GAB2: variants seen among roughly 807,000 people sequenced by gnomAD.
The protein encoded by GAB2 is GRB2-associated-binding protein 2.
A neutral mutation model predicts 65.5 loss-of-function variants in GAB2; 26 were observed. That is an observed-to-expected ratio of 0.40 (90% confidence interval 0.29 to 0.55). The LOEUF (loss-of-function observed/expected upper bound fraction) is 0.55, where lower values mean the gene tolerates loss of function less well. Among genes scored for constraint, GAB2 ranks in the 20% least tolerant of loss-of-function variants. The probability of loss-of-function intolerance (pLI) is 0.53; values close to 1 mark genes in which losing one functional copy is unlikely to be tolerated. For synonymous variants in GAB2, 321 were observed against 329.6 expected (o/e 0.97, Z 0.28); for missense variants, 884 against 875.8 (o/e 1.01, Z -0.12).
chr11:78,227,278 C>A (rs532953934), intron 3 of GAB2, among the ~76,000 whole-genome samples: 1 of 152,126 alleles, frequency 6.6e-6, no homozygotes, highest in Non-Finnish European at 1.5e-5. Context: ...GGTTATAACC[C>A]CCACTCCCTG....
intron 1 of GAB2, among the ~76,000 whole-genome samples, chr11:78,283,833 A>C (rs1590997850): frequency 6.8e-6 from 1 of 147,684 alleles, no homozygotes; most frequent in Non-Finnish European, 1.5e-5. Context: ...GCTCCTCTTC[A>C]CCTCCCTGAC....
At chr11:78,261,082 T>TGTGC (rs1187073411) in intron 2 of GAB2, among the ~76,000 whole-genome samples, 2 of 151,804 alleles carry the variant, frequency 1.3e-5, no homozygotes, top group African/African-American at 4.9e-5. Context: ...TATATATGTG[T>TGTGC]GTGTGTATAT....
intron 4 of GAB2, 43 bp downstream of exon 4, chr11:78,226,422 T>A: frequency 6.8e-7 from 1 of 1,478,332 alleles, no homozygotes; most frequent in African/African-American, 1.4e-5. Flanking sequence ...ACCCCTGTGT[T>A]ACCTCCTCCT....
chr11:78,396,390 T>C (rs1856895030), intron 1 of GAB2, among the ~76,000 whole-genome samples: 1 of 152,250 alleles, frequency 6.6e-6, no homozygotes, highest in Non-Finnish European at 1.5e-5. Context: ...AAATTTGTTT[T>C]CATATATAAT....
At chr11:78,355,030 C>T (rs1047044132) in intron 1 of GAB2, among the ~76,000 whole-genome samples, 3 of 152,208 alleles carry the variant, frequency 2.0e-5, no homozygotes, top group Non-Finnish European at 4.4e-5. Context: ...CAAAGGCAAA[C>T]CACCTTTATG....
chr11:78,327,279 T>C (rs1490824669), intron 1 of GAB2, among the ~76,000 whole-genome samples: 1 of 152,276 alleles, frequency 6.6e-6, no homozygotes, highest in East Asian at 1.9e-4. Context: ...TGCATTTTAA[T>C]ATGAAATGGG....
At chr11:78,352,640 G>A (rs1188676660) in intron 1 of GAB2, among the ~76,000 whole-genome samples, 3 of 152,090 alleles carry the variant, frequency 2.0e-5, no homozygotes, top group Non-Finnish European at 4.4e-5. Flanking sequence ...TGCCCCAGGG[G>A]CTGAATCAAA....
intron 1 of GAB2, among the ~76,000 whole-genome samples, chr11:78,321,755 A>G (rs1388543414): frequency 6.6e-6 from 1 of 152,190 alleles, no homozygotes; most frequent in Admixed American, 6.5e-5. Context: ...CTAAAAGGCT[A>G]TTGTAACCAA....
At chr11:78,370,770 C>G (rs959411208) in intron 1 of GAB2, among the ~76,000 whole-genome samples, 3 of 148,158 alleles carry the variant, frequency 2.0e-5, no homozygotes, top group Non-Finnish European at 4.5e-5. Context: ...AGGAGAAAGG[C>G]AGGCAGACAC....
At chr11:78,370,887 C>T (rs1330830825) in intron 1 of GAB2, among the ~76,000 whole-genome samples, 2 of 152,180 alleles carry the variant, frequency 1.3e-5, no homozygotes, top group African/African-American at 2.4e-5. Context: ...TACCCAGCCA[C>T]TCTGGACAGT....
At position 78,216,307 on chromosome 11, in the gene GAB2, A is replaced by C. The variant is rs1864145245; in HGVS notation, c.*2965T>G. The C allele has an allele frequency of 6.6e-6, 1 of 152,156 alleles. No individual in the cohort carries two copies. The highest frequency in any genetic ancestry group is 6.6e-5 in the Admixed American group (1 of 15,266). The allele number at this position is 152,156 out of a possible 1,614,324, so 9.4% of individuals were successfully genotyped here. On this transcript the variant is annotated 3_prime_UTR_variant, in exon 10 of 10. Coordinates refer to ENST00000361507, the MANE Select transcript of GAB2 (RefSeq NM_080491.3). ...AGGGGGCCTGTGTGAAGCAGTGCTG[A>C]GTGGGAAGGTATCCCCTTTCCGTAG...
rs766977456 is a variant in GAB2, at chr11:78,226,808, A to T, written c.864T>A (p.Asp288Glu). 2.5e-6 allele frequency: 4 copies of T among 1,614,010 alleles called. No individual in the cohort carries two copies. In the South Asian group the frequency reaches 4.4e-5, roughly 18 times the overall value. ...TKGSLTGSET[D>E]NEDVYTFKTP... ...TCTTGAAGGTGTACACATCCTCATTATCTGTCTCGGAGCCTGTGAGGCTGC... is the reference window on the plus strand; with the variant it reads ...TCTTGAAGGTGTACACATCCTCATTTTCTGTCTCGGAGCCTGTGAGGCTGC... Residue 288 changes from aspartate (D) to glutamate (E), a missense_variant, in exon 4 of 10, where the codon GAT becomes GAA. Physicochemically the swap from Asp to Glu is conservative, Grantham distance 45. Coordinates refer to ENST00000361507, the MANE Select transcript of GAB2 (RefSeq NM_080491.3).
chr11:78,330,108 G>T (rs1220313374), intron 1 of GAB2, among the ~76,000 whole-genome samples: 1 of 152,202 alleles, frequency 6.6e-6, no homozygotes, highest in East Asian at 1.9e-4. Context: ...AGCTTCTCAA[G>T]TCTGACCTCC....
intron 3 of GAB2, among the ~76,000 whole-genome samples, chr11:78,232,291 C>G (rs527625516): frequency 1.3e-5 from 2 of 152,308 alleles, no homozygotes; most frequent in South Asian, 2.1e-4. Flanking sequence ...AATGAAATTT[C>G]ACTCCTAGTA....
intron 1 of GAB2, among the ~76,000 whole-genome samples, chr11:78,385,630 A>G (rs529795298): frequency 6.6e-6 from 1 of 152,372 alleles, no homozygotes; most frequent in East Asian, 1.9e-4. Context: ...ACAGGTGAGC[A>G]GCCTTATACT....
At position 78,217,625 on chromosome 11, in the gene GAB2, T is replaced by G. The variant is rs890952590; in HGVS notation, c.*1647A>C. On this transcript the variant is annotated 3_prime_UTR_variant, in exon 10 of 10. Coordinates refer to ENST00000361507, the MANE Select transcript of GAB2 (RefSeq NM_080491.3). Reference sequence around the variant, plus strand: ...TGTTGCTTCTGAAACTCTTGAAAATTTAGTCAAGAACAGTCAACATAAAAA... The same window carrying G: ...TGTTGCTTCTGAAACTCTTGAAAATGTAGTCAAGAACAGTCAACATAAAAA... 6.6e-6 allele frequency: 1 copy of G among 152,184 alleles called. No homozygotes were observed. Among genetic ancestry groups the G allele is most frequent in the African/African-American group, 2.4e-5 (1 of 41,434 alleles). 9.4% of individuals were successfully genotyped at this position (152,184 alleles called of 1,614,324 possible). A position where few individuals can be genotyped will look rare whatever the true frequency, so the allele number is the denominator to read the frequency against.
At chr11:78,263,638 A>G (rs983093553) in intron 2 of GAB2, among the ~76,000 whole-genome samples, 64 of 134,390 alleles carry the variant, frequency 4.8e-4, no homozygotes, top group African/African-American at 1.7e-3. Context: ...GTCTGGGGGA[A>G]AAAAAAAAAA....
At chr11:78,395,794 T>G (rs1856888443) in intron 1 of GAB2, among the ~76,000 whole-genome samples, 1 of 152,182 alleles carries the variant, frequency 6.6e-6, no homozygotes, top group Admixed American at 6.5e-5. Flanking sequence ...CTCAGAAAGA[T>G]TAAGAAACTT....
intron 3 of GAB2, among the ~76,000 whole-genome samples, chr11:78,238,206 C>CAAA (rs10541492): frequency 5.7e-5 from 6 of 104,798 alleles, no homozygotes; most frequent in Non-Finnish European, 9.7e-5. Context: ...AGGGAAGAAA[C>CAAA]AAAAAAAAAA....
Sources: allele counts gnomAD v4.1 joint callset (sites outside exome capture counted in the v4.1 genomes callset), GRCh38; gene constraint gnomAD v4.1.1; transcripts MANE v1.5; gene names NCBI Gene and HGNC (gene_info 2026-07-23, HGNC 2026-07-21).